Variants in CDC16 observed in about 807,000 individuals in gnomAD.
The protein encoded by CDC16 is cell division cycle protein 16 homolog.
CDC16 carries 34 observed loss-of-function variants against 87.0 expected under a neutral mutation model. The observed-to-expected ratio is 0.39, with a 90% CI of 0.30 to 0.52. The LOEUF is 0.52. CDC16 is among the 20% of genes least tolerant of loss of function. The pLI is 0.74. For synonymous variants in CDC16, 263 were observed against 260.6 expected, an observed-to-expected ratio of 1.01 and a Z score of -0.09; for missense variants, 653 against 751.9, an observed-to-expected ratio of 0.87 and a Z score of 1.54.
Position 114,268,032 on chromosome 13 carries a change from A to T in CDC16, c.1603+2792A>T, listed in dbSNP as rs138583795. Among the ~76,000 whole-genome samples, 321 of 152,250 alleles carry T rather than the reference A, an allele frequency of 2.1e-3. 1 individual carries two copies. Among genetic ancestry groups the T allele is most frequent in the African/African-American group, 7.4e-3 (309 of 41,550 alleles). ...TGGGCAGTGGTGGTCAGGCTTCCAC[A>T]CGGAAACCTTTCACTGTCACCAGAG... On this transcript the variant is annotated intron_variant, in intron 17 of 17. Transcript: ENST00000356221.
intron 11 of CDC16, among the ~76,000 whole-genome samples, chr13:114,249,095 G>T (rs1273387089): frequency 6.6e-6 from 1 of 151,848 alleles, no homozygotes; most frequent in Admixed American, 6.6e-5. Context: ...TGAAGAATCA[G>T]TGGGAGCCCT....
chr13:114,248,744 A>C (rs2081998589), intron 11 of CDC16, among the ~76,000 whole-genome samples: 2 of 152,252 alleles, frequency 1.3e-5, no homozygotes, highest in Non-Finnish European at 2.9e-5. Flanking sequence ...ATTGTTAGGA[A>C]GACTGATGCC....
chr13:114,235,164 A>G lies in CDC16; in HGVS notation c.48+32A>G, dbSNP rs575645426. 4.4e-4 allele frequency: 543 copies of G among 1,230,792 alleles called. 5 individuals carry two copies. In the African/African-American group the frequency reaches 7.6e-3, roughly 17 times the overall value. 76.2% of individuals were successfully genotyped at this position (1,230,792 alleles called of 1,614,324 possible). On this transcript the variant is annotated intron_variant, in intron 1 of 17. Coordinates refer to ENST00000356221, the MANE Select transcript of CDC16 (RefSeq NM_001078645.3). ...GGCCCCGACTCGGGGTGCGGGGCCCAGGCCTCGCCGGGTCTTTTTCCGCGC... is the reference window on the plus strand; with the variant it reads ...GGCCCCGACTCGGGGTGCGGGGCCCGGGCCTCGCCGGGTCTTTTTCCGCGC...
chr13:114,259,437 C>T, intron 14 of CDC16, 39 bp downstream of exon 14: 1 of 1,136,168 alleles, frequency 8.8e-7, no homozygotes, highest in Admixed American at 2.8e-5. Flanking sequence ...ACATATACAC[C>T]CCTGAGTGTT....
intron 17 of CDC16, 76 bp from the exon 18 acceptor site, chr13:114,272,108 G>C: frequency 1.3e-6 from 1 of 796,078 alleles, no homozygotes; most frequent in South Asian, 1.9e-5. Flanking sequence ...AATGATAAGA[G>C]ATGGTGTTAT....
intron 16 of CDC16, among the ~76,000 whole-genome samples, chr13:114,263,680 C>G (rs2082999062): frequency 6.6e-6 from 1 of 152,214 alleles, no homozygotes; most frequent in South Asian, 2.1e-4. Context: ...CTGGTGCTAG[C>G]ACACACGCCC....
At position 114,247,979 on chromosome 13, in the gene CDC16, CCTTTTA is replaced by C. The variant is rs1252349088; in HGVS notation, c.971+982_971+987del. ...CTTTCGCTTACAGAGATCCTGTTAA[CCTTTTA>C]CTTTTAGGATTTCTTTTATTAATAG... On this transcript the variant is annotated intron_variant, in intron 11 of 17. Transcript: ENST00000356221. Among the ~76,000 whole-genome samples, 6 of 152,106 alleles carry C rather than the reference CCTTTTA, an allele frequency of 3.9e-5. No individual in the cohort carries two copies. In the South Asian group the frequency reaches 6.2e-4, roughly 16 times the overall value.
intron 1 of CDC16, among the ~76,000 whole-genome samples, chr13:114,236,302 T>C (rs770364538): frequency 1.2e-4 from 19 of 152,248 alleles, no homozygotes; most frequent in Non-Finnish European, 1.3e-4. Flanking sequence ...GAAAGTGTTA[T>C]ATAAATCACA....
chr13:114,236,765 ACCTCT>A (rs761071313), intron 2 of CDC16, 29 bp from the exon 3 acceptor site: 1 of 1,612,272 alleles, frequency 6.2e-7, no homozygotes, highest in Admixed American at 1.7e-5. Context: ...TTCACCTTGT[ACCTCT>A]GACCACTTAT....
chr13:114,243,377 C>T, intron 7 of CDC16, 29 bp downstream of exon 7: 4 of 1,042,188 alleles, frequency 3.8e-6, no homozygotes, highest in Non-Finnish European at 6.0e-6. Context: ...TTAGCACTTG[C>T]TTTATGTAAA....
At chr13:114,272,084 T>C in intron 17 of CDC16, 100 bp from the exon 18 acceptor site, 1 of 672,524 alleles carries the variant, frequency 1.5e-6, no homozygotes, top group South Asian at 2.2e-5. Context: ...TTCTAAATAG[T>C]ATAATCTGAC....
chr13:114,264,121 G>C (rs1204630340), intron 16 of CDC16: 1 of 152,166 alleles, frequency 6.6e-6, no homozygotes, highest in Non-Finnish European at 1.5e-5. Context: ...AAGTCATGAA[G>C]GTACCATGAT....
At chr13:114,242,063 A>G in intron 5 of CDC16, 58 bp from the exon 6 acceptor site, 1 of 1,544,230 alleles carries the variant, frequency 6.5e-7, no homozygotes, top group East Asian at 2.3e-5. Flanking sequence ...AAGGAGAAAA[A>G]AAAAAAGTTA....
chr13:114,237,151 G>A (rs2081293468), intron 3 of CDC16, among the ~76,000 whole-genome samples: 1 of 151,896 alleles, frequency 6.6e-6, no homozygotes, highest in Non-Finnish European at 1.5e-5. Context: ...TTGAACCTGG[G>A]AGGTGGAGGT....
chr13:114,250,833 G>A (rs2082131768), intron 12 of CDC16, among the ~76,000 whole-genome samples, 159 bp downstream of exon 12: 1 of 152,058 alleles, frequency 6.6e-6, no homozygotes, highest in Admixed American at 6.6e-5. Context: ...AACTATGAAA[G>A]TGGAGGGGAG....
chr13:114,272,318 C>G lies in CDC16; in HGVS notation c.1738C>G (p.Leu580Val). The G allele has an allele frequency of 6.2e-7, 1 of 1,614,246 alleles. No individual in the cohort carries two copies. The highest frequency in any genetic ancestry group is 8.5e-7 in the Non-Finnish European group (1 of 1,180,016). Residue 580 changes from leucine (L) to valine (V), a missense_variant, in exon 18 of 18, where the codon CTT becomes GTT. Coordinates refer to ENST00000356221, the MANE Select transcript of CDC16 (RefSeq NM_001078645.3). ...AAAACAGACTGCAGAAGAAACGGGG[C>G]TTACGCCATTGGAAACCTCAAGGAA... ...VEKQTAEETG[L>V]TPLETSRKTP...
chr13:114,260,628 T>C (rs145438811), intron 14 of CDC16, among the ~76,000 whole-genome samples: 1 of 152,354 alleles, frequency 6.6e-6, no homozygotes, highest in East Asian at 1.9e-4. Flanking sequence ...TTTAGAGTCT[T>C]ACAGAAACTT....
chr13:114,243,751 T>G, intron 7 of CDC16, 105 bp from the exon 8 acceptor site: 1 of 871,016 alleles, frequency 1.1e-6, no homozygotes, highest in Non-Finnish European at 1.8e-6. Context: ...GCTCTCACAT[T>G]TGTTCTTGTA....
Position 114,243,934 on chromosome 13 carries a change from G to A in CDC16, c.712G>A (p.Ala238Thr), listed in dbSNP as rs2081701367. ...GAATCTGGATGTGGTAGTGTCTTTA[G>A]CTGAGAGACATTATTATAACTGTGA... ...QENLDVVVSL[A>T]ERHYYNCDFK... Residue 238 changes from alanine (A) to threonine (T), a missense_variant, in exon 8 of 18, where the codon GCT becomes ACT. Physicochemically the swap from Ala to Thr is moderately conservative, Grantham distance 58 (BLOSUM62 0). Transcript: ENST00000356221. 4 of 1,603,202 alleles carry A rather than the reference G, an allele frequency of 2.5e-6. No homozygotes were observed. The highest frequency in any genetic ancestry group is 2.6e-6 in the Non-Finnish European group (3 of 1,170,392).
Sources: allele counts gnomAD v4.1 joint callset (sites outside exome capture counted in the v4.1 genomes callset), GRCh38; gene constraint gnomAD v4.1.1; transcripts MANE v1.5; gene names NCBI Gene and HGNC (gene_info 2026-07-23, HGNC 2026-07-21).